The following XKR3 variants were observed in gnomAD, a reference collection of about 807,000 sequenced individuals.
XKR3 encodes the protein XK related 3, also known as XK-related protein 3.
XKR3 carries 27 observed loss-of-function variants against 40.3 expected under a neutral mutation model. The observed-to-expected ratio is 0.67, with a 90% CI of 0.49 to 0.92. The LOEUF (loss-of-function observed/expected upper bound fraction) is 0.92, where lower values mean the gene tolerates loss of function less well. XKR3 is among the 40% of genes least tolerant of loss of function. The pLI is 0.00. For missense variants in XKR3, 472 were observed against 537.6 expected (o/e 0.88, Z 1.21); for synonymous variants, 193 against 195.4 (o/e 0.99, Z 0.10).
At chr22:16,802,072 CCT>C (rs2060171611) in intron 2 of XKR3, among the ~76,000 whole-genome samples, 1 of 152,056 alleles carries the variant, frequency 6.6e-6, no homozygotes, top group South Asian at 2.1e-4. Flanking sequence ...TACTATTGTA[CCT>C]CTCTCTCACC....
intron 2 of XKR3, among the ~76,000 whole-genome samples, chr22:16,803,858 C>T (rs1234387581): frequency 6.6e-6 from 1 of 152,208 alleles, no homozygotes; most frequent in African/African-American, 2.4e-5. Context: ...TGGGCATGCT[C>T]TCTCTATGGA....
intron 2 of XKR3, 26 bp from the exon 3 acceptor site, chr22:16,800,050 A>T (rs2060162165): frequency 6.2e-7 from 1 of 1,604,010 alleles, no homozygotes; most frequent in Non-Finnish European, 8.5e-7. Context: ...AACATCCAAG[A>T]TTAACATTTA....
At position 16,799,970 on chromosome 22, in the gene XKR3, C is replaced by A; in HGVS notation, c.390G>T (p.Glu130Asp). Reference sequence around the variant, plus strand: ...TGATGCTAACTTGAGTCTCTTCCTTCTCCTGTTTAAGATTTTTCAACCATT... The same window carrying A: ...TGATGCTAACTTGAGTCTCTTCCTTATCCTGTTTAAGATTTTTCAACCATT... ...YHKWLKNLKQ[E>D]KEETQVSITK... Residue 130 changes from glutamate to aspartate, a missense_variant, in exon 3 of 4, where the codon GAG becomes GAT. Glu to Asp is a conservative substitution (Grantham distance 45). Coordinates refer to ENST00000684488, the MANE Select transcript of XKR3 (RefSeq NM_001386955.1). The A allele has an allele frequency of 1.2e-6, 2 of 1,614,136 alleles. No individual in the cohort carries two copies. Among genetic ancestry groups the A allele is most frequent in the South Asian group, 2.2e-5 (2 of 91,078 alleles).
intron 3 of XKR3, among the ~76,000 whole-genome samples, chr22:16,793,174 G>A (rs1461710485): frequency 2.0e-5 from 3 of 152,088 alleles, no homozygotes; most frequent in Non-Finnish European, 2.9e-5. Context: ...CACCACGCCC[G>A]GTTAATTCTG....
chr22:16,824,543 T>G (rs2060267051), intron 1 of XKR3, among the ~76,000 whole-genome samples: 1 of 146,980 alleles, frequency 6.8e-6, no homozygotes, highest in Non-Finnish European at 1.5e-5. Flanking sequence ...GGAGGGAGAG[T>G]AGAGAGAGAA....
chr22:16,822,048 CA>C (rs2060258947), intron 1 of XKR3, among the ~76,000 whole-genome samples: 3 of 151,940 alleles, frequency 2.0e-5, no homozygotes, highest in Admixed American at 2.0e-4. Context: ...ATAGGTGCCA[CA>C]AAGATATAAT....
intron 3 of XKR3, 27 bp downstream of exon 3, chr22:16,799,744 C>T: frequency 5.0e-6 from 8 of 1,610,986 alleles, no homozygotes; most frequent in Non-Finnish European, 6.8e-6. Flanking sequence ...CTTTGTGTGT[C>T]TTTCAGCATC....
At chr22:16,815,538 C>A (rs1220370672) in intron 1 of XKR3, among the ~76,000 whole-genome samples, 1 of 151,918 alleles carries the variant, frequency 6.6e-6, no homozygotes, top group Non-Finnish European at 1.5e-5. Context: ...AATTATCTAT[C>A]TAAAACTTGT....
At chr22:16,810,750 G>A (rs1457771819) in intron 1 of XKR3, among the ~76,000 whole-genome samples, 2 of 152,010 alleles carry the variant, frequency 1.3e-5, no homozygotes, top group African/African-American at 2.4e-5. Flanking sequence ...TAAAACCATG[G>A]TCCTTATAAT....
intron 1 of XKR3, among the ~76,000 whole-genome samples, 153 bp from the exon 2 acceptor site, chr22:16,808,236 G>A (rs2060198684): frequency 2.0e-5 from 3 of 152,148 alleles, no homozygotes; most frequent in Admixed American, 2.0e-4. Flanking sequence ...TCCATGTCTG[G>A]TTTAGGGAAT....
At chr22:16,791,487 G>C (rs1417030411) in intron 3 of XKR3, among the ~76,000 whole-genome samples, 1 of 151,686 alleles carries the variant, frequency 6.6e-6, no homozygotes, top group Non-Finnish European at 1.5e-5. Context: ...ACTACAGTTA[G>C]TGAAGGTATA....
chr22:16,795,059 C>A (rs2146149680), intron 3 of XKR3, among the ~76,000 whole-genome samples: 1 of 152,260 alleles, frequency 6.6e-6, no homozygotes, highest in East Asian at 1.9e-4. Flanking sequence ...GGAACTAACA[C>A]ACATCTACAG....
intron 1 of XKR3, among the ~76,000 whole-genome samples, chr22:16,815,316 C>T (rs1427754059): frequency 6.6e-6 from 1 of 152,006 alleles, no homozygotes; most frequent in African/African-American, 2.4e-5. Flanking sequence ...TTATGAAATG[C>T]ACCTCTTCTC....
chr22:16,793,991 A>G (rs2060130896), intron 3 of XKR3, among the ~76,000 whole-genome samples: 1 of 152,234 alleles, frequency 6.6e-6, no homozygotes, highest in Non-Finnish European at 1.5e-5. Context: ...TGGTCAAACA[A>G]TAATGAAGCA....
intron 2 of XKR3, among the ~76,000 whole-genome samples, chr22:16,800,955 T>C (rs1569039149): frequency 6.6e-6 from 1 of 152,066 alleles, no homozygotes; most frequent in Non-Finnish European, 1.5e-5. Context: ...AAACACTGGG[T>C]AAATTAAATA....
intron 3 of XKR3, among the ~76,000 whole-genome samples, chr22:16,785,252 G>A (rs1480787343): frequency 3.9e-5 from 6 of 152,128 alleles, no homozygotes; most frequent in African/African-American, 1.4e-4. Flanking sequence ...GGGAGGCGGA[G>A]CTTGCAGTGA....
intron 3 of XKR3, among the ~76,000 whole-genome samples, chr22:16,796,003 T>C (rs2060138987): frequency 6.6e-6 from 1 of 151,390 alleles, no homozygotes; most frequent in African/African-American, 2.4e-5. Context: ...AGAAGCACAA[T>C]CAAAACAATA....
chr22:16,797,374 A>G (rs1418288979), intron 3 of XKR3, among the ~76,000 whole-genome samples: 4 of 152,372 alleles, frequency 2.6e-5, no homozygotes, highest in East Asian at 1.9e-4. Context: ...CTGTAAACAG[A>G]GCAAACAGAC....
chr22:16,806,469 GTT>G (rs35013347), intron 2 of XKR3, among the ~76,000 whole-genome samples: 10 of 129,360 alleles, frequency 7.7e-5, no homozygotes, highest in Admixed American at 1.6e-4. Flanking sequence ...TATAGTTAAG[GTT>G]TTTTTTTTTT....
Sources: allele counts gnomAD v4.1 joint callset (sites outside exome capture counted in the v4.1 genomes callset), GRCh38; gene constraint gnomAD v4.1.1; transcripts MANE v1.5; gene names NCBI Gene and HGNC (gene_info 2026-07-23, HGNC 2026-07-21).